NFIA: variants seen among roughly 807,000 people sequenced by gnomAD.
The protein encoded by NFIA is nuclear factor I A, also known as nuclear factor 1 A-type.
Under a neutral mutation model 62.8 loss-of-function variants are expected in NFIA, and 8 were observed. The ratio of observed to expected loss-of-function variants is 0.13; its 90% confidence interval spans 0.07 to 0.23. The LOEUF is 0.23. Among genes scored for constraint, NFIA ranks in the 10% least tolerant of loss-of-function variants. The pLI, the probability that NFIA is intolerant of heterozygous loss-of-function variation, is 1.00. For missense variants in NFIA, 410 were observed against 642.1 expected, an observed-to-expected ratio of 0.64 and a Z score of 3.91; for synonymous variants, 235 against 238.1, an observed-to-expected ratio of 0.99 and a Z score of 0.12.
chr1:61,376,210 G>C (rs1380550896), intron 6 of NFIA, among the ~76,000 whole-genome samples: 1 of 152,128 alleles, frequency 6.6e-6, no homozygotes, highest in Non-Finnish European at 1.5e-5. Flanking sequence ...ATAATTGTGT[G>C]TGTGTTATAG....
At chr1:61,207,948 T>C (rs1002416368) in intron 2 of NFIA, among the ~76,000 whole-genome samples, 1 of 149,766 alleles carries the variant, frequency 6.7e-6, no homozygotes, top group Non-Finnish European at 1.5e-5. Context: ...AGTTGGATAG[T>C]GGTATGCCTT....
At chr1:61,361,893 A>C (rs59786948) in intron 6 of NFIA, among the ~76,000 whole-genome samples, 2 of 150,374 alleles carry the variant, frequency 1.3e-5, no homozygotes, top group Non-Finnish European at 3.0e-5. Context: ...TCCATTCTCT[A>C]TCCCCATTTC....
At chr1:61,302,677 G>A (rs544445151) in intron 3 of NFIA, among the ~76,000 whole-genome samples, 1 of 152,232 alleles carries the variant, frequency 6.6e-6, no homozygotes, top group Non-Finnish European at 1.5e-5. Context: ...TAGTTTTAGG[G>A]CAGGAAAATC....
At chr1:61,139,723 T>G (rs1647355813) in intron 2 of NFIA, among the ~76,000 whole-genome samples, 1 of 152,046 alleles carries the variant, frequency 6.6e-6, no homozygotes, top group Admixed American at 6.6e-5. Flanking sequence ...GCTACCTAAA[T>G]TACACCCCGA....
In NFIA at chr1:61,082,739, C is replaced by T. The variant is rs1422121236; in HGVS notation, c.-53C>T. On this transcript the variant is annotated 5_prime_UTR_variant, in exon 1 of 11. Coordinates refer to ENST00000403491, the MANE Select transcript of NFIA (RefSeq NM_001134673.4). ...CTCCTCTCTCACCCACACTCACGCA[C>T]ACCTCCAAACCGCACACCCAGACGC... 26 of 1,551,646 alleles carry T rather than the reference C, an allele frequency of 1.7e-5. No homozygotes were observed. The highest frequency in any genetic ancestry group is 2.2e-5 in the Non-Finnish European group (25 of 1,147,056).
chr1:61,301,894 A>G (rs1354800162), intron 3 of NFIA, among the ~76,000 whole-genome samples: 1 of 152,124 alleles, frequency 6.6e-6, no homozygotes, highest in Non-Finnish European at 1.5e-5. Context: ...GCAAACAACA[A>G]TGCTGTTTCC....
intron 2 of NFIA, among the ~76,000 whole-genome samples, chr1:61,138,738 C>A (rs936044066): frequency 2.0e-5 from 3 of 151,950 alleles, no homozygotes; most frequent in African/African-American, 7.2e-5. Context: ...TGCTACTGCA[C>A]TCAGACTAAT....
chr1:61,273,593 A>AT (rs1315806826), intron 2 of NFIA, among the ~76,000 whole-genome samples: 1 of 152,160 alleles, frequency 6.6e-6, no homozygotes, highest in Non-Finnish European at 1.5e-5. Flanking sequence ...AACAATTGAA[A>AT]TTTCGTCTCT....
intron 3 of NFIA, among the ~76,000 whole-genome samples, chr1:61,291,810 A>T (rs535890486): frequency 6.6e-6 from 1 of 152,336 alleles, no homozygotes; most frequent in Non-Finnish European, 1.5e-5. Context: ...AGGGAATAAC[A>T]ATGGCATATG....
At chr1:61,196,299 C>T (rs1038806785) in intron 2 of NFIA, among the ~76,000 whole-genome samples, 10 of 152,264 alleles carry the variant, frequency 6.6e-5, no homozygotes, top group African/African-American at 2.4e-4. Context: ...CAAAAATTTG[C>T]ATCCTCATGC....
chr1:61,098,551 C>T (rs1436593360), intron 2 of NFIA, among the ~76,000 whole-genome samples: 6 of 152,254 alleles, frequency 3.9e-5, no homozygotes, highest in South Asian at 4.1e-4. Flanking sequence ...GTCTTTGTAA[C>T]GATGCTGTTC....
intron 3 of NFIA, among the ~76,000 whole-genome samples, chr1:61,287,250 T>A (rs1658562278): frequency 6.6e-6 from 1 of 152,186 alleles, no homozygotes; most frequent in South Asian, 2.1e-4. Context: ...TTCATAGCAT[T>A]GTTAAGGAAT....
intron 4 of NFIA, among the ~76,000 whole-genome samples, chr1:61,349,291 A>G (rs1259376007): frequency 6.6e-6 from 1 of 152,190 alleles, no homozygotes; most frequent in African/African-American, 2.4e-5. Flanking sequence ...TGAATTTCAG[A>G]AAGTAGATGT....
intron 9 of NFIA, among the ~76,000 whole-genome samples, chr1:61,417,795 T>C (rs983205807): frequency 2.0e-5 from 3 of 152,200 alleles, no homozygotes; most frequent in Admixed American, 6.5e-5. Context: ...TCAATTATAT[T>C]AAAATTGGAA....
chr1:61,284,620 C>T (rs924250205), intron 3 of NFIA, among the ~76,000 whole-genome samples: 1 of 152,188 alleles, frequency 6.6e-6, no homozygotes, highest in African/African-American at 2.4e-5. Flanking sequence ...CTTATCCTCA[C>T]ACATTATGAG....
At chr1:61,213,375 G>A (rs1392858264) in intron 2 of NFIA, among the ~76,000 whole-genome samples, 1 of 152,212 alleles carries the variant, frequency 6.6e-6, no homozygotes, top group Non-Finnish European at 1.5e-5. Context: ...TGCGGGTTGT[G>A]AAGATATGTG....
At chr1:61,343,383 T>C (rs1346571552) in intron 4 of NFIA, among the ~76,000 whole-genome samples, 1 of 152,244 alleles carries the variant, frequency 6.6e-6, no homozygotes, top group Non-Finnish European at 1.5e-5. Flanking sequence ...AAAATTCCTC[T>C]CTTCACCTCC....
At chr1:61,358,379 C>CTTTTTTTTTTTTTTTTTTTTTTTTTT (rs34853369) in intron 5 of NFIA, among the ~76,000 whole-genome samples, 3 of 52,618 alleles carry the variant, frequency 5.7e-5, no homozygotes, top group Non-Finnish European at 6.3e-5. Context: ...TTCTTTCTTT[C>CTTTTTTTTTTTTTTTTTTTTTTTTTT]TTTTTTTTTT....
At chr1:61,404,330 A>G in intron 8 of NFIA, 48 bp downstream of exon 8, 1 of 1,522,534 alleles carries the variant, frequency 6.6e-7, no homozygotes, top group Non-Finnish European at 8.8e-7. Flanking sequence ...TTAGCCGAAT[A>G]TAAAAATAAC....
Sources: allele counts gnomAD v4.1 joint callset (sites outside exome capture counted in the v4.1 genomes callset), GRCh38; gene constraint gnomAD v4.1.1; transcripts MANE v1.5; gene names NCBI Gene and HGNC (gene_info 2026-07-23, HGNC 2026-07-21).